The following USP36 variants were observed in gnomAD, a reference collection of about 807,000 sequenced individuals.
The protein encoded by USP36 is ubiquitin specific peptidase 36, also known as ubiquitin carboxyl-terminal hydrolase 36.
A neutral mutation model predicts 111.5 loss-of-function variants in USP36; 59 were observed. The observed-to-expected ratio is 0.53, with a 90% CI of 0.43 to 0.66. The LOEUF is 0.66. Among genes scored for constraint, USP36 ranks in the 30% least tolerant of loss-of-function variants. The pLI, the probability that USP36 is intolerant of heterozygous loss-of-function variation, is 0.00. For missense variants in USP36, 1,488 were observed against 1,468.0 expected (o/e 1.01, Z -0.22); for synonymous variants, 628 against 581.0 (o/e 1.08, Z -1.16).
Position 78,802,394 on chromosome 17 carries a change from T to C in USP36, c.2952A>G (p.Gln984=). 3 of 1,610,502 alleles carry C rather than the reference T, an allele frequency of 1.9e-6. No individual in the cohort carries two copies. The South Asian group carries it at 3.3e-5, about 18-fold the overall frequency. The change falls in exon 17 of 21, where the codon CAA becomes CAG. Residue 984 remains glutamine, a synonymous_variant. Coordinates refer to ENST00000449938, the MANE Select transcript of USP36 (RefSeq NM_001385174.1). ...HLKCPRSAKP[Q]DAVVPESSSC... is the part of the protein sequence containing the mutation. ...TGCTGGACTCGGGGACAACAGCATC[T>C]TGGGGCTTGGCACTCCTTGGGCATT...
intron 10 of USP36, 109 bp downstream of exon 10, chr17:78,818,558 G>C (rs1025686024): frequency 4.5e-5 from 41 of 915,022 alleles, no homozygotes; most frequent in Non-Finnish European, 6.5e-5. Context: ...ACAGGGACAG[G>C]TACTGTGTAA....
chr17:78,814,633 A>C, intron 10 of USP36, 81 bp from the exon 11 acceptor site: 1 of 1,515,418 alleles, frequency 6.6e-7, no homozygotes, highest in Non-Finnish European at 8.9e-7. Context: ...CCACAACCAC[A>C]CAAAATGCCC....
At chr17:78,792,806 C>T (rs1267898860), downstream of USP36, among the ~76,000 whole-genome samples, 1 of 152,110 alleles carries the variant, frequency 6.6e-6, no homozygotes, top group Non-Finnish European at 1.5e-5. Context: ...GCAACCTCCA[C>T]CTCCCAGGTT....
intron 4 of USP36, among the ~76,000 whole-genome samples, chr17:78,834,881 T>G (rs1431000586): frequency 6.6e-6 from 1 of 151,750 alleles, no homozygotes; most frequent in Non-Finnish European, 1.5e-5. Context: ...TTTGGGAGGC[T>G]GAGATGGGAG....
At chr17:78,835,981 C>T (rs1455740713) in intron 3 of USP36, 130 bp downstream of exon 3, 1 of 1,295,834 alleles carries the variant, frequency 7.7e-7, no homozygotes, top group Non-Finnish European at 1.1e-6. Context: ...AATCCACTGA[C>T]CCCATGTAAA....
chr17:78,836,385 G>A lies in USP36; in HGVS notation c.-9-13C>T. ...GCATGGTGCATCACTGTGGGGACAA[G>A]AAGAAACATAGAGCCATAGATAACG... On this transcript the variant is annotated splice_polypyrimidine_tract_variant and intron_variant, in intron 2 of 20. Coordinates refer to ENST00000449938, the MANE Select transcript of USP36 (RefSeq NM_001385174.1). 1 of 1,610,942 alleles carries A rather than the reference G, an allele frequency of 6.2e-7. No individual in the cohort carries two copies. The highest frequency in any genetic ancestry group is 8.5e-7 in the Non-Finnish European group (1 of 1,178,158).
In USP36 at chr17:78,802,511, A is replaced by T; in HGVS notation, c.2835T>A (p.Asp945Glu). 6.2e-7 allele frequency: 1 copy of T among 1,606,988 alleles called. No individual in the cohort carries two copies. The highest frequency in any genetic ancestry group is 1.3e-5 in the African/African-American group (1 of 74,904). Residue 945 changes from aspartate (D) to glutamate (E), a missense_variant, in exon 17 of 21, where the codon GAT (aspartate) becomes GAA (glutamate). Physicochemically the swap from Asp to Glu is conservative, Grantham distance 45 (BLOSUM62 2). Coordinates refer to ENST00000449938, the MANE Select transcript of USP36 (RefSeq NM_001385174.1). The part of the protein sequence containing the change: ...RHSCSPMGDG[D>E]PEAMEESPRK... The stretch of plus-strand genomic sequence containing the variant: ...TTGGAGACTCTTCCATGGCCTCTGG[A>T]TCACCATCACCCATGGGAGAGCAGC...
At chr17:78,804,454 C>T (rs150342066) in intron 15 of USP36, among the ~76,000 whole-genome samples, 50 of 136,596 alleles carry the variant, frequency 3.7e-4, no homozygotes, top group African/African-American at 1.2e-3. Flanking sequence ...AGCAAGACTC[C>T]GTCTCAAAAA....
chr17:78,819,950 C>G lies in USP36; in HGVS notation c.891G>C (p.Glu297Asp). ...LFVKADVLSG[E>D]NAYMCAKCKK... ...CTTACTTAGCACACATGTAGGCATTCTCTCCACTCAGGACATCTGCTTTCA... is the reference window on the plus strand; with the variant it reads ...CTTACTTAGCACACATGTAGGCATTGTCTCCACTCAGGACATCTGCTTTCA... Residue 297 changes from glutamate (E) to aspartate (D), a missense_variant, in exon 9 of 21, where the codon GAG becomes GAC. By Grantham distance (45) the Glu-to-Asp change is conservative. This residue lies in a region of USP36 where 196 missense variants were observed against 264.4 expected (regional missense o/e 0.74). Coordinates refer to ENST00000449938, the MANE Select transcript of USP36 (RefSeq NM_001385174.1). 6.2e-7 allele frequency: 1 copy of G among 1,614,146 alleles called. No individual in the cohort carries two copies. Among genetic ancestry groups the G allele is most frequent in the Non-Finnish European group, 8.5e-7 (1 of 1,180,006 alleles).
At chr17:78,805,767 C>T (rs367628011) in intron 15 of USP36, among the ~76,000 whole-genome samples, 6 of 152,196 alleles carry the variant, frequency 3.9e-5, no homozygotes, top group East Asian at 3.9e-4. Context: ...CTCGGGACTC[C>T]GAGCTCACTC....
At chr17:78,804,163 T>C (rs1186789239) in intron 15 of USP36, among the ~76,000 whole-genome samples, 185 bp from the exon 16 acceptor site, 1 of 152,176 alleles carries the variant, frequency 6.6e-6, no homozygotes, top group Non-Finnish European at 1.5e-5. Flanking sequence ...ATTCAACATC[T>C]ATTTAAATGC....
chr17:78,801,011 C>G (rs2093729559), intron 17 of USP36, among the ~76,000 whole-genome samples: 1 of 130,206 alleles, frequency 7.7e-6, no homozygotes, highest in Admixed American at 9.2e-5. Context: ...GAGTCTCACT[C>G]TGTCACCCAG....
At chr17:78,829,115 G>A in intron 4 of USP36, 108 bp from the exon 5 acceptor site, 4 of 874,128 alleles carry the variant, frequency 4.6e-6, no homozygotes, top group Non-Finnish European at 5.2e-6. Flanking sequence ...GCAGGTAAGA[G>A]CAAACCAGGC....
intron 2 of USP36, among the ~76,000 whole-genome samples, chr17:78,837,191 A>C (rs932835371): frequency 6.6e-6 from 1 of 152,176 alleles, no homozygotes; most frequent in Non-Finnish European, 1.5e-5. Flanking sequence ...GCTTGTATTA[A>C]TCTCCATTAC....
At chr17:78,833,659 C>T (rs1002816979) in intron 4 of USP36, among the ~76,000 whole-genome samples, 1 of 152,184 alleles carries the variant, frequency 6.6e-6, no homozygotes, top group Admixed American at 6.5e-5. Flanking sequence ...TTTTCAACTG[C>T]TCTGCTCCCT....
intron 15 of USP36, 32 bp from the exon 16 acceptor site, chr17:78,804,010 T>C (rs777618240): frequency 6.7e-7 from 1 of 1,498,082 alleles, no homozygotes; most frequent in Admixed American, 1.9e-5. Context: ...AGGGAGAGGA[T>C]GTTCTGAAAG....
intron 10 of USP36, among the ~76,000 whole-genome samples, chr17:78,817,215 G>C (rs1275052314): frequency 6.6e-6 from 1 of 152,200 alleles, no homozygotes; most frequent in Non-Finnish European, 1.5e-5. Flanking sequence ...CGTCATCTAC[G>C]TCTGTGTAAA....
chr17:78,828,984 G>A lies in USP36; in HGVS notation c.499C>T (p.Leu167=), dbSNP rs1378083106. 23 of 1,613,662 alleles carry A rather than the reference G, an allele frequency of 1.4e-5. No individual in the cohort carries two copies. The highest frequency in any genetic ancestry group is 1.9e-5 in the Non-Finnish European group (22 of 1,179,868). The stretch of plus-strand genomic sequence containing the variant: ...ACAATGTGGTTCTGCATGACACACA[G>A]CATGCAGAAGCTTCCCTGGTGGCCT... The part of the protein sequence containing the change: ...RSCHQGSFCM[L]CVMQNHIVQA... Residue 167 remains leucine (L), a synonymous_variant, in exon 5 of 21, where the codon CTG becomes TTG. Transcript: ENST00000449938.
At chr17:78,822,127 C>T (rs2094344383) in intron 6 of USP36, 123 bp from the exon 7 acceptor site, 3 of 1,096,684 alleles carry the variant, frequency 2.7e-6, no homozygotes, top group Non-Finnish European at 4.1e-6. Context: ...AACTCCACCC[C>T]CCACCCGAGT....
Sources: allele counts gnomAD v4.1 joint callset (sites outside exome capture counted in the v4.1 genomes callset), GRCh38; gene constraint gnomAD v4.1.1; regional missense constraint gnomAD v4.1.1; transcripts MANE v1.5; gene names NCBI Gene and HGNC (gene_info 2026-07-23, HGNC 2026-07-21).